SYNDIG1: variants seen among roughly 807,000 people sequenced by gnomAD.
SYNDIG1 encodes the protein synapse differentiation inducing 1.
Under a neutral mutation model 19.4 loss-of-function variants are expected in SYNDIG1, and 9 were observed. The observed-to-expected ratio is 0.46, with a 90% CI of 0.28 to 0.81. The LOEUF is 0.81. Among genes scored for constraint, SYNDIG1 ranks in the 30% least tolerant of loss-of-function variants. SYNDIG1 has a pLI of 0.12. For synonymous variants in SYNDIG1, 141 were observed against 145.9 expected (o/e 0.97, Z 0.24); for missense variants, 311 against 343.3 (o/e 0.91, Z 0.74).
intron 1 of SYNDIG1, among the ~76,000 whole-genome samples, chr20:24,473,626 G>C (rs981639296): frequency 6.6e-6 from 1 of 152,074 alleles, no homozygotes; most frequent in African/African-American, 2.4e-5. Flanking sequence ...GGACGCACTG[G>C]GGAGACAGGC....
At chr20:24,610,756 C>T (rs2058834353) in intron 3 of SYNDIG1, among the ~76,000 whole-genome samples, 1 of 152,192 alleles carries the variant, frequency 6.6e-6, no homozygotes, top group Non-Finnish European at 1.5e-5. Flanking sequence ...TGACCTTCTC[C>T]CTGCCTGGAC....
chr20:24,541,285 G>A (rs2057463637), intron 1 of SYNDIG1, among the ~76,000 whole-genome samples: 1 of 152,184 alleles, frequency 6.6e-6, no homozygotes, highest in Non-Finnish European at 1.5e-5. Context: ...TATAAAACTT[G>A]TATAGAATAT....
chr20:24,603,581 G>A (rs906022783), intron 3 of SYNDIG1, among the ~76,000 whole-genome samples: 8 of 152,200 alleles, frequency 5.3e-5, no homozygotes, highest in Non-Finnish European at 7.3e-5. Flanking sequence ...AGGGAGACAT[G>A]GACACACGCC....
At chr20:24,547,481 G>T (rs1389915599) in intron 2 of SYNDIG1, among the ~76,000 whole-genome samples, 1 of 152,116 alleles carries the variant, frequency 6.6e-6, no homozygotes, top group Non-Finnish European at 1.5e-5. Flanking sequence ...GTAGAGCATG[G>T]CTTGACATTA....
chr20:24,638,541 T>A (rs966077808), intron 3 of SYNDIG1, among the ~76,000 whole-genome samples: 10 of 152,008 alleles, frequency 6.6e-5, no homozygotes, highest in African/African-American at 1.9e-4. Flanking sequence ...GTATTTTTTT[T>A]AAATAGAGAC....
intron 2 of SYNDIG1, among the ~76,000 whole-genome samples, chr20:24,562,507 C>G: frequency 6.6e-6 from 1 of 152,188 alleles, no homozygotes; most frequent in East Asian, 1.9e-4. Flanking sequence ...TATCTTTACA[C>G]TATTATCTTA....
chr20:24,530,330 G>T (rs1461528736), intron 1 of SYNDIG1, among the ~76,000 whole-genome samples: 3 of 152,044 alleles, frequency 2.0e-5, no homozygotes, highest in African/African-American at 7.3e-5. Flanking sequence ...CAGAAGTTTG[G>T]GTTGGCTTTG....
At chr20:24,560,604 C>T (rs2057921287) in intron 2 of SYNDIG1, among the ~76,000 whole-genome samples, 1 of 150,144 alleles carries the variant, frequency 6.7e-6, no homozygotes, top group South Asian at 2.1e-4. Flanking sequence ...AGTCTGTGAA[C>T]ATATTTGTCA....
chr20:24,604,040 T>G (rs1251854186), intron 3 of SYNDIG1, among the ~76,000 whole-genome samples: 1 of 152,258 alleles, frequency 6.6e-6, no homozygotes, highest in Non-Finnish European at 1.5e-5. Flanking sequence ...ATCATTTATC[T>G]TACCAAAACA....
At chr20:24,616,389 C>T (rs1234405029) in intron 3 of SYNDIG1, among the ~76,000 whole-genome samples, 4 of 152,246 alleles carry the variant, frequency 2.6e-5, no homozygotes, top group East Asian at 1.9e-4. Context: ...CAGGGGCTCG[C>T]GCCCCTCCTC....
At chr20:24,640,601 T>C (rs1369277026) in intron 3 of SYNDIG1, among the ~76,000 whole-genome samples, 1 of 152,022 alleles carries the variant, frequency 6.6e-6, no homozygotes, top group Non-Finnish European at 1.5e-5. Flanking sequence ...GAAGACCTTG[T>C]AAACAAATGT....
chr20:24,574,067 G>C (rs2058187606), intron 2 of SYNDIG1, among the ~76,000 whole-genome samples: 1 of 152,192 alleles, frequency 6.6e-6, no homozygotes, highest in Non-Finnish European at 1.5e-5. Flanking sequence ...CCCAACAGGA[G>C]CAGCCTCCAG....
In SYNDIG1 at chr20:24,620,105, G is replaced by A. The variant is rs1209392044; in HGVS notation, c.618+35112G>A. Among the ~76,000 whole-genome samples the A allele has an allele frequency of 2.0e-5, 3 of 152,142 alleles. No individual in the cohort carries two copies. In the East Asian group the frequency reaches 5.8e-4, roughly 29 times the overall value. ...GCAACCTTCAAGCCACAATCTATGTGATTCTTATCAGTTTTAAAGGAAAGT... is the reference window on the plus strand; with the variant it reads ...GCAACCTTCAAGCCACAATCTATGTAATTCTTATCAGTTTTAAAGGAAAGT... On this transcript the variant is annotated intron_variant, in intron 3 of 3. Coordinates refer to ENST00000376862, the MANE Select transcript of SYNDIG1 (RefSeq NM_024893.3).
chr20:24,504,532 C>T (rs1243487038), intron 1 of SYNDIG1, among the ~76,000 whole-genome samples: 2 of 152,308 alleles, frequency 1.3e-5, no homozygotes, highest in East Asian at 1.9e-4. Flanking sequence ...GGCTCTAGGT[C>T]TCCATCTGTG....
At chr20:24,482,400 C>T (rs532846159) in intron 1 of SYNDIG1, among the ~76,000 whole-genome samples, 1 of 152,266 alleles carries the variant, frequency 6.6e-6, no homozygotes, top group East Asian at 1.9e-4. Context: ...TGAAAATGCA[C>T]ATGAAAGTTA....
chr20:24,486,836 T>C (rs1938067469), intron 1 of SYNDIG1, among the ~76,000 whole-genome samples: 2 of 152,058 alleles, frequency 1.3e-5, no homozygotes, highest in Admixed American at 1.3e-4. Flanking sequence ...TTTTTGTATT[T>C]TTAGTAGAGA....
At chr20:24,603,414 G>GC (rs1315367458) in intron 3 of SYNDIG1, among the ~76,000 whole-genome samples, 2 of 152,102 alleles carry the variant, frequency 1.3e-5, no homozygotes, top group Non-Finnish European at 2.9e-5. Context: ...GGCTGGAGGT[G>GC]CCCATAGGTG....
At chr20:24,473,847 C>T (rs114487366) in intron 1 of SYNDIG1, among the ~76,000 whole-genome samples, 61 of 152,286 alleles carry the variant, frequency 4.0e-4, no homozygotes, top group African/African-American at 1.4e-3. Context: ...ACAACATTAA[C>T]GCTTGGTTTT....
chr20:24,633,234 G>A (rs2059271249), intron 3 of SYNDIG1, among the ~76,000 whole-genome samples: 1 of 152,174 alleles, frequency 6.6e-6, no homozygotes, highest in Admixed American at 6.5e-5. Flanking sequence ...AATCATTCAG[G>A]CACATGTTAC....
Sources: allele counts gnomAD v4.1 joint callset (sites outside exome capture counted in the v4.1 genomes callset), GRCh38; gene constraint gnomAD v4.1.1; transcripts MANE v1.5; gene names NCBI Gene and HGNC (gene_info 2026-07-23, HGNC 2026-07-21).